SPATA31D1: variants seen among roughly 807,000 people sequenced by gnomAD.
SPATA31D1 encodes the protein spermatogenesis-associated protein 31D1.
A neutral mutation model predicts 13.2 loss-of-function variants in SPATA31D1; 6 were observed. That is an observed-to-expected ratio of 0.46 (90% CI 0.25 to 0.90). The LOEUF (loss-of-function observed/expected upper bound fraction) is 0.90. SPATA31D1 is among the 40% of genes least tolerant of loss of function. SPATA31D1 has a pLI of 0.18. For synonymous variants in SPATA31D1, 903 were observed against 718.8 expected (o/e 1.26, Z -4.10); for missense variants, 2,445 against 1,884.7 (o/e 1.30, Z -5.50).
rs1824899742 is a variant in SPATA31D1, at chr9:81,988,934, T to C, written c.116T>C (p.Ile39Thr). The C allele has an allele frequency of 6.2e-7, 1 of 1,612,474 alleles. No individual in the cohort carries two copies. The highest frequency in any genetic ancestry group is 8.5e-7 in the Non-Finnish European group (1 of 1,179,726). The change falls in exon 1 of 4, where the codon ATA becomes ACA. Residue 39 changes from isoleucine (I) to threonine (T), a missense_variant. Ile to Thr is a moderately conservative substitution (Grantham distance 89). Transcript: ENST00000344803. ...FICLSGLGLF[I>T]LYLFYVVLTL... Reference sequence around the variant, plus strand: ...TGCTTGAGTGGGTTGGGGTTGTTTATACTGTACTTGTTCTACGTGGTATTG... The same window carrying C: ...TGCTTGAGTGGGTTGGGGTTGTTTACACTGTACTTGTTCTACGTGGTATTG...
chr9:81,990,394 A>G, intron 2 of SPATA31D1, 23 bp from the exon 3 acceptor site: 1 of 1,573,334 alleles, frequency 6.4e-7, no homozygotes, highest in African/African-American at 1.4e-5. Context: ...CTCTATCTTC[A>G]TTGCATATAA....
chr9:81,990,933 T>A lies in SPATA31D1; in HGVS notation c.463T>A (p.Ser155Thr), dbSNP rs1346216733. ...GGAGTCCCTGAAAGATGCTGCTCCCTCTGTGTCCCCTTTGGCTTCTTCGGC... is the reference window on the plus strand; with the variant it reads ...GGAGTCCCTGAAAGATGCTGCTCCCACTGTGTCCCCTTTGGCTTCTTCGGC... ...SWESLKDAAP[S>T]VSPLASSASA... Residue 155 changes from serine (S) to threonine (T), a missense_variant, in exon 4 of 4, where the codon TCT becomes ACT. Transcript: ENST00000344803. 1.2e-6 allele frequency: 2 copies of A among 1,613,956 alleles called. No individual in the cohort carries two copies. Among genetic ancestry groups the A allele is most frequent in the East Asian group, 2.2e-5 (1 of 44,866 alleles).
In SPATA31D1 at chr9:81,993,352, C is replaced by G. The variant is rs1207041479; in HGVS notation, c.2882C>G (p.Ser961Cys). ...ISQGDSKDGV[S>C]KSRSRSTFQG... ...CAGGGAGATTCCAAAGATGGGGTCT[C>G]TAAGTCCCGTAGTCGAAGCACTTTT... The change falls in exon 4 of 4, where the codon TCT becomes TGT. Residue 961 changes from serine (S) to cysteine (C), a missense_variant. Ser to Cys is a moderately radical substitution (Grantham distance 112, BLOSUM62 -1). Transcript: ENST00000344803. 3.1e-6 allele frequency: 5 copies of G among 1,614,000 alleles called. No individual in the cohort carries two copies. The highest frequency in any genetic ancestry group is 4.2e-6 in the Non-Finnish European group (5 of 1,179,908).
intron 2 of SPATA31D1, 154 bp downstream of exon 2, chr9:81,989,977 C>A: frequency 3.7e-6 from 3 of 804,614 alleles, no homozygotes; most frequent in Non-Finnish European, 5.8e-6. Flanking sequence ...AGCAATCAGA[C>A]CTGAGACACT....
Position 81,992,373 on chromosome 9 carries a change from A to G in SPATA31D1, c.1903A>G (p.Ser635Gly). Reference sequence around the variant, plus strand: ...GAACGTGTTGCAGAAAGTGCAGGAAAGTTTGTGGGGCTTACCCTCTGTGGT... The same window carrying G: ...GAACGTGTTGCAGAAAGTGCAGGAAGGTTTGTGGGGCTTACCCTCTGTGGT... ...EWNVLQKVQESLWGLPSVVQK... is the reference protein window; with the variant it reads ...EWNVLQKVQEGLWGLPSVVQK... Residue 635 changes from serine to glycine, a missense_variant, in exon 4 of 4, where the codon AGT (serine) becomes GGT (glycine). Ser to Gly is a moderately conservative substitution (Grantham distance 56). Coordinates refer to ENST00000344803, the MANE Select transcript of SPATA31D1 (RefSeq NM_001001670.3). 6.2e-7 allele frequency: 1 copy of G among 1,613,818 alleles called. No homozygotes were observed. The highest frequency in any genetic ancestry group is 8.5e-7 in the Non-Finnish European group (1 of 1,179,736).
chr9:81,990,708 G>C, intron 3 of SPATA31D1, 65 bp from the exon 4 acceptor site: 3 of 1,538,408 alleles, frequency 2.0e-6, no homozygotes, highest in East Asian at 2.4e-5. Context: ...TGGGCAGCAG[G>C]CTTTAGGGAA....
upstream of SPATA31D1, among the ~76,000 whole-genome samples, chr9:81,988,289 G>A (rs1484119552): frequency 2.0e-5 from 3 of 152,168 alleles, no homozygotes; most frequent in South Asian, 2.1e-4. Flanking sequence ...AACAAAAAAT[G>A]TAATGTTCAA....
chr9:81,988,718 T>C (rs1316344852), upstream of SPATA31D1: 2 of 1,575,874 alleles, frequency 1.3e-6, no homozygotes, highest in African/African-American at 2.7e-5. Flanking sequence ...CTTAGAAACC[T>C]TCTGTGACTC....
In SPATA31D1 at chr9:81,990,453, A is replaced by T. The variant is rs778267940; in HGVS notation, c.269A>T (p.Glu90Val). 1 of 1,609,018 alleles carries T rather than the reference A, an allele frequency of 6.2e-7. No homozygotes were observed. The highest frequency in any genetic ancestry group is 1.1e-5 in the South Asian group (1 of 89,648). ...PDWKSFQREE[E>V]EERKLLSLLK... ...TGGAAAAGTTTCCAGAGAGAAGAGG[A>T]AGAGGAAAGGAAGCTGCTTTCTCTT... is the stretch of plus-strand genomic sequence containing the variant. The change falls in exon 3 of 4, where the codon GAA becomes GTA. Residue 90 changes from glutamate to valine, a missense_variant. Transcript: ENST00000344803.
At position 81,990,785 on chromosome 9, in the gene SPATA31D1, T is replaced by G. The variant is rs759377874; in HGVS notation, c.315T>G (p.Pro105=). 5.1e-5 allele frequency: 82 copies of G among 1,610,716 alleles called. No homozygotes were observed. The highest frequency in any genetic ancestry group is 3.3e-4 in the Middle Eastern group (2 of 6,058). The change falls in exon 4 of 4, where the codon CCT becomes CCG. Residue 105 remains proline (P), a synonymous_variant. Coordinates refer to ENST00000344803, the MANE Select transcript of SPATA31D1 (RefSeq NM_001001670.3). ...GTCCTGACTGCAGCTTTGGACCTCC[T>G]GTTTCCTGCAGTCCTCGGGGCCAGC... ...LLSLLKSFGP[P]VSCSPRGQHH... is the part of the protein sequence containing the mutation.
In SPATA31D1 at chr9:81,993,199, T is replaced by A. The variant is rs766153405; in HGVS notation, c.2729T>A (p.Phe910Tyr). 1 of 1,613,994 alleles carries A rather than the reference T, an allele frequency of 6.2e-7. No homozygotes were observed. The stretch of plus-strand genomic sequence containing the variant: ...ATGTTGGAAGCCCATATTAAAACTT[T>A]CCGTATGAGGATGCTGTGGGGCCTT... ...QKMLEAHIKT[F>Y]RMRMLWGLPL... The change falls in exon 4 of 4, where the codon TTC becomes TAC. Residue 910 changes from phenylalanine to tyrosine, a missense_variant. Physicochemically the swap from Phe to Tyr is conservative, Grantham distance 22. Coordinates refer to ENST00000344803, the MANE Select transcript of SPATA31D1 (RefSeq NM_001001670.3).
chr9:81,989,871 C>G (rs1220653704), intron 2 of SPATA31D1, 48 bp downstream of exon 2: 1 of 1,594,526 alleles, frequency 6.3e-7, no homozygotes, highest in South Asian at 1.1e-5. Flanking sequence ...CCCTTTCTGT[C>G]TCTTTCATGA....
chr9:81,994,725 C>T lies in SPATA31D1; in HGVS notation c.4255C>T (p.His1419Tyr), dbSNP rs1250054678. Reference sequence around the variant, plus strand: ...GGAGTTCCTAGAAGAGAAGCTGGGGCATAGGCATGGGATAGATATCACCTG... The same window carrying T: ...GGAGTTCCTAGAAGAGAAGCTGGGGTATAGGCATGGGATAGATATCACCTG... The part of the protein sequence containing the change: ...TREFLEEKLG[H>Y]RHGIDITCPQ... Residue 1419 changes from histidine (H) to tyrosine (Y), a missense_variant, in exon 4 of 4, where the codon CAT (histidine) becomes TAT (tyrosine). His to Tyr is a moderately conservative substitution (Grantham distance 83, BLOSUM62 2). Coordinates refer to ENST00000344803, the MANE Select transcript of SPATA31D1 (RefSeq NM_001001670.3). The T allele has an allele frequency of 1.9e-6, 3 of 1,613,756 alleles. No homozygotes were observed. Among genetic ancestry groups the T allele is most frequent in the South Asian group, 2.2e-5 (2 of 91,080 alleles).
intron 1 of SPATA31D1, among the ~76,000 whole-genome samples, 180 bp from the exon 2 acceptor site, chr9:81,989,598 A>G (rs1824912316): frequency 6.6e-6 from 1 of 152,208 alleles, no homozygotes; most frequent in African/African-American, 2.4e-5. Flanking sequence ...GATTTTTCAG[A>G]GAAGGAAAAA....
Position 81,991,056 on chromosome 9 carries a change from C to T in SPATA31D1, c.586C>T (p.Pro196Ser). 1.2e-6 allele frequency: 2 copies of T among 1,613,702 alleles called. No individual in the cohort carries two copies. Among genetic ancestry groups the T allele is most frequent in the Non-Finnish European group, 1.7e-6 (2 of 1,179,712 alleles). ...CCCTCGGCCTAAGGCCTCTCCACCA[C>T]CCCCCTTAATTCTCTCACCTGACCT... Reference protein sequence around the residue: ...LSPRPKASPPPPLILSPDLIT... With the variant: ...LSPRPKASPPSPLILSPDLIT... The change falls in exon 4 of 4, where the codon CCC becomes TCC. Residue 196 changes from proline to serine, a missense_variant. Physicochemically the swap from Pro to Ser is moderately conservative, Grantham distance 74 (BLOSUM62 -1). Transcript: ENST00000344803.
Position 81,989,926 on chromosome 9 carries a change from G to A in SPATA31D1, c.232+103G>A, listed in dbSNP as rs1369297729. On this transcript the variant is annotated intron_variant, in intron 2 of 3. Coordinates refer to ENST00000344803, the MANE Select transcript of SPATA31D1 (RefSeq NM_001001670.3). ...CTTAGAATGTCAGTTACTAGATGCA[G>A]TCTTAGAAAACAGAGCCCTCAGAAG... is the stretch of plus-strand genomic sequence containing the variant. The A allele has an allele frequency of 2.2e-6, 3 of 1,359,482 alleles. No homozygotes were observed. The African/African-American group carries it at 4.3e-5, about 20-fold the overall frequency. The allele number at this position is 1,359,482 out of a possible 1,614,324, so 84.2% of individuals were successfully genotyped here.
rs777889785 is a variant in SPATA31D1 at position 81,993,447 on chromosome 9, G to A, written c.2977G>A (p.Val993Ile). 2.5e-6 allele frequency: 4 copies of A among 1,613,824 alleles called. No homozygotes were observed. Among genetic ancestry groups the A allele is most frequent in the African/African-American group, 2.7e-5 (2 of 75,032 alleles). Residue 993 changes from valine (V) to isoleucine (I), a missense_variant, in exon 4 of 4, where the codon GTC becomes ATC. By Grantham distance (29) the Val-to-Ile change is conservative. Transcript: ENST00000344803. ...LDRPHPVSSP[V>I]VQEGQGTLRR... ...TCGTCCTCACCCTGTCTCCTCACCT[G>A]TCGTCCAAGAAGGGCAGGGGACCCT... is the stretch of plus-strand genomic sequence containing the variant.
rs1160454351 is a variant in SPATA31D1, at chr9:81,990,842, A to T, written c.372A>T (p.Leu124Phe). Residue 124 changes from leucine to phenylalanine, a missense_variant, in exon 4 of 4, where the codon TTA becomes TTT. Coordinates refer to ENST00000344803, the MANE Select transcript of SPATA31D1 (RefSeq NM_001001670.3). Reference protein sequence around the residue: ...HHDTNHFRRLLCPDPVCRVCK... With the variant: ...HHDTNHFRRLFCPDPVCRVCK... ...ATACCAACCACTTTCGTCGACTGTT[A>T]TGCCCAGACCCCGTCTGTCGGGTGT... The T allele has an allele frequency of 1.2e-6, 2 of 1,613,932 alleles. No individual in the cohort carries two copies. The highest frequency in any genetic ancestry group is 1.7e-6 in the Non-Finnish European group (2 of 1,179,872).
Position 81,992,202 on chromosome 9 carries a change from G to C in SPATA31D1, c.1732G>C (p.Val578Leu). Reference sequence around the variant, plus strand: ...AGGTCAGTCCCCACATCTCACTCAGGTGAAGTCCCTGGCTCAACCTCAATC... The same window carrying C: ...AGGTCAGTCCCCACATCTCACTCAGCTGAAGTCCCTGGCTCAACCTCAATC... Reference protein sequence around the residue: ...PQGQSPHLTQVKSLAQPQSPF... With the variant: ...PQGQSPHLTQLKSLAQPQSPF... Residue 578 changes from valine (V) to leucine (L), a missense_variant, in exon 4 of 4, where the codon GTG (valine) becomes CTG (leucine). Coordinates refer to ENST00000344803, the MANE Select transcript of SPATA31D1 (RefSeq NM_001001670.3). The C allele has an allele frequency of 6.2e-7, 1 of 1,613,678 alleles. No individual in the cohort carries two copies. The highest frequency in any genetic ancestry group is 1.3e-5 in the African/African-American group (1 of 74,994).
Sources: gnomAD v4.1 joint callset for allele counts (sites outside exome capture counted in the v4.1 genomes callset) on GRCh38, gnomAD v4.1.1 for gene constraint, MANE v1.5 for transcripts, NCBI Gene and HGNC (gene_info 2026-07-23, HGNC 2026-07-21) for gene names.